FNBP1L: variants seen among roughly 807,000 people sequenced by gnomAD.
The protein encoded by FNBP1L is formin-binding protein 1-like.
In FNBP1L, 36 loss-of-function variants were observed where a neutral mutation model predicts 91.2. That is an observed-to-expected ratio of 0.39 (90% CI 0.30 to 0.52). The LOEUF is 0.52. Ranked by LOEUF, FNBP1L falls within the 20% of genes least tolerant of loss-of-function variation. The probability of loss-of-function intolerance (pLI) is 0.66; values close to 1 mark genes in which losing one functional copy is unlikely to be tolerated. For missense variants in FNBP1L, 571 were observed against 732.1 expected, an observed-to-expected ratio of 0.78 and a Z score of 2.54; for synonymous variants, 242 against 237.0, an observed-to-expected ratio of 1.02 and a Z score of -0.19.
At chr1:93,462,867 A>G (rs892899895) in intron 1 of FNBP1L, among the ~76,000 whole-genome samples, 5 of 152,146 alleles carry the variant, frequency 3.3e-5, no homozygotes, top group Middle Eastern at 3.4e-3. Flanking sequence ...GTCACTATGT[A>G]TAGCGAAAAC....
chr1:93,470,922 A>C (rs1669263842), intron 1 of FNBP1L, among the ~76,000 whole-genome samples: 1 of 152,042 alleles, frequency 6.6e-6, no homozygotes, highest in Non-Finnish European at 1.5e-5. Context: ...GGTAATGAAA[A>C]TCTTCTGCAT....
chr1:93,509,669 C>T (rs975532163), intron 2 of FNBP1L, among the ~76,000 whole-genome samples: 4 of 152,230 alleles, frequency 2.6e-5, no homozygotes, highest in South Asian at 2.1e-4. Context: ...ACGCAGAAGA[C>T]AGGTGATTTC....
chr1:93,538,005 C>T (rs1228384288), intron 10 of FNBP1L, among the ~76,000 whole-genome samples: 1 of 152,048 alleles, frequency 6.6e-6, no homozygotes, highest in East Asian at 1.9e-4. Flanking sequence ...ATTTAGACTA[C>T]ACTAAATATT....
chr1:93,489,939 G>A (rs938028293), intron 1 of FNBP1L, among the ~76,000 whole-genome samples: 5 of 152,262 alleles, frequency 3.3e-5, no homozygotes, highest in African/African-American at 1.2e-4. Flanking sequence ...AGAAGTGCTG[G>A]AGGAACTTTG....
chr1:93,449,200 G>T (rs531498728), intron 1 of FNBP1L, among the ~76,000 whole-genome samples: 2 of 152,294 alleles, frequency 1.3e-5, no homozygotes, highest in East Asian at 3.9e-4. Context: ...AGGTACGGGC[G>T]GAGGGTAATA....
At chr1:93,460,091 T>A (rs1384640533) in intron 1 of FNBP1L, among the ~76,000 whole-genome samples, 2 of 152,132 alleles carry the variant, frequency 1.3e-5, no homozygotes, top group Non-Finnish European at 2.9e-5. Flanking sequence ...ATGTTGGCAC[T>A]CAAAAGGTTT....
At chr1:93,499,212 A>G (rs1457905575) in intron 1 of FNBP1L, among the ~76,000 whole-genome samples, 1 of 152,094 alleles carries the variant, frequency 6.6e-6, no homozygotes, top group Non-Finnish European at 1.5e-5. Context: ...GTTGACTGCA[A>G]AAAGCTGATC....
intron 2 of FNBP1L, among the ~76,000 whole-genome samples, chr1:93,509,404 G>A (rs895864198): frequency 2.0e-5 from 3 of 152,186 alleles, no homozygotes; most frequent in African/African-American, 7.2e-5. Flanking sequence ...GCCCCATGCA[G>A]AATTGGCCAC....
chr1:93,544,572 G>A (rs1672153180), intron 12 of FNBP1L, among the ~76,000 whole-genome samples: 1 of 152,030 alleles, frequency 6.6e-6, no homozygotes, highest in African/African-American at 2.4e-5. Context: ...CTATTTTGTA[G>A]CAAAACATTT....
rs531072467 is a variant in FNBP1L, at chr1:93,452,900, T to C, written c.24+4595T>C. ...GTCTATTATTTGGGAAGCACTGTTA[T>C]GTTTGGTGAGATTTATGAAGGCTTA... On this transcript the variant is annotated intron_variant, in intron 1 of 16. Coordinates refer to ENST00000271234, the MANE Select transcript of FNBP1L (RefSeq NM_001164473.3). Among the ~76,000 whole-genome samples the C allele has an allele frequency of 4.3e-4, 65 of 152,344 alleles. 1 individual carries two copies. The highest frequency in any genetic ancestry group is 1.4e-3 in the Admixed American group (21 of 15,296).
chr1:93,512,760 C>T (rs1377647124), intron 2 of FNBP1L, among the ~76,000 whole-genome samples: 8 of 151,846 alleles, frequency 5.3e-5, no homozygotes, highest in East Asian at 3.9e-4. Context: ...GTCTCTGGGA[C>T]GCATTCAAAG....
chr1:93,483,203 A>G (rs866535175), intron 1 of FNBP1L, among the ~76,000 whole-genome samples: 26 of 151,360 alleles, frequency 1.7e-4, no homozygotes, highest in African/African-American at 6.3e-4. Flanking sequence ...AAAAAAAAAA[A>G]AAAAAAAAGA....
chr1:93,518,691 T>A (rs1671215498), intron 2 of FNBP1L, among the ~76,000 whole-genome samples: 1 of 152,220 alleles, frequency 6.6e-6, no homozygotes, highest in African/African-American at 2.4e-5. Context: ...CCACTCCTCC[T>A]CCTATAGAAG....
intron 1 of FNBP1L, among the ~76,000 whole-genome samples, chr1:93,463,869 C>A (rs1557775657): frequency 6.6e-6 from 1 of 152,158 alleles, no homozygotes; most frequent in Non-Finnish European, 1.5e-5. Context: ...ATTTTACATT[C>A]TTTCCTGAGA....
intron 2 of FNBP1L, among the ~76,000 whole-genome samples, chr1:93,516,356 T>C (rs991096092): frequency 1.3e-5 from 2 of 152,166 alleles, no homozygotes; most frequent in African/African-American, 2.4e-5. Context: ...CCCCTTTACC[T>C]GTTAAAAGCT....
intron 13 of FNBP1L, 69 bp from the exon 14 acceptor site, chr1:93,547,278 A>G (rs1451271227): frequency 2.5e-6 from 3 of 1,223,756 alleles, no homozygotes; most frequent in Non-Finnish European, 3.5e-6. Context: ...CACATTTTAA[A>G]TGTAGATATC....
intron 11 of FNBP1L, among the ~76,000 whole-genome samples, chr1:93,543,211 CTAATA>C (rs1156555644): frequency 2.0e-5 from 3 of 152,036 alleles, no homozygotes; most frequent in African/African-American, 7.2e-5. Flanking sequence ...TCAATAGCGG[CTAATA>C]TTGGTTCTGT....
At chr1:93,518,242 C>T (rs1027930625) in intron 2 of FNBP1L, among the ~76,000 whole-genome samples, 1 of 152,112 alleles carries the variant, frequency 6.6e-6, no homozygotes, top group Non-Finnish European at 1.5e-5. Context: ...TTTTATACAA[C>T]AAATTTGGAA....
At chr1:93,533,558 G>GACT (rs1241713066) in intron 8 of FNBP1L, among the ~76,000 whole-genome samples, 1 of 152,142 alleles carries the variant, frequency 6.6e-6, no homozygotes, top group Non-Finnish European at 1.5e-5. Flanking sequence ...CTTGATTAAG[G>GACT]ACTAGGGTCT....
Sources: allele counts gnomAD v4.1 joint callset (sites outside exome capture counted in the v4.1 genomes callset), GRCh38; gene constraint gnomAD v4.1.1; transcripts MANE v1.5; gene names NCBI Gene and HGNC (gene_info 2026-07-23, HGNC 2026-07-21).